The following KDM3A variants were observed in gnomAD, a reference collection of about 807,000 sequenced individuals.
The protein encoded by KDM3A is lysine-specific demethylase 3A.
In KDM3A, 60 loss-of-function variants were observed where a neutral mutation model predicts 158.0. The observed-to-expected ratio is 0.38, with a 90% confidence interval of 0.31 to 0.47. The LOEUF (loss-of-function observed/expected upper bound fraction) is 0.47. Among genes scored for constraint, KDM3A ranks in the 20% least tolerant of loss-of-function variants. KDM3A has a pLI of 0.99. For missense variants in KDM3A, 1,319 were observed against 1,574.3 expected (o/e 0.84, Z 2.74); for synonymous variants, 608 against 549.3 (o/e 1.11, Z -1.49).
chr2:86,475,011 G>T, intron 12 of KDM3A, 21 bp downstream of exon 12: 3 of 1,591,752 alleles, frequency 1.9e-6, no homozygotes, highest in Non-Finnish European at 2.6e-6. Context: ...CTCTTAGGGG[G>T]TAGGATTTTC....
At chr2:86,441,939 C>T (rs898002020) in intron 1 of KDM3A, 79 bp from the exon 2 acceptor site, 2 of 1,199,344 alleles carry the variant, frequency 1.7e-6, no homozygotes, top group Admixed American at 2.2e-5. Context: ...CGGCGCCCTC[C>T]GCCCGCCCTC....
chr2:86,477,759 T>C, intron 12 of KDM3A, 118 bp from the exon 13 acceptor site: 2 of 964,100 alleles, frequency 2.1e-6, no homozygotes, highest in East Asian at 2.5e-5. Context: ...CAATGAAGCC[T>C]GAACAAAGTT....
chr2:86,467,354 G>T, intron 10 of KDM3A: 1 of 153,524 alleles, frequency 6.5e-6, no homozygotes, highest in Non-Finnish European at 1.5e-5. Context: ...AGTAGGAAGA[G>T]GTGATCTGTG....
chr2:86,442,718 G>A (rs1407116345), intron 2 of KDM3A: 1 of 143,386 alleles, frequency 7.0e-6, no homozygotes, highest in Middle Eastern at 3.4e-3. Flanking sequence ...AGGAGCTTAA[G>A]TTCTGTTTGG....
Position 86,451,209 on chromosome 2 carries a change from T to C in KDM3A, c.449T>C (p.Ile150Thr). Residue 150 changes from isoleucine (I) to threonine (T), a missense_variant, in exon 4 of 26, where the codon ATA (isoleucine) becomes ACA (threonine). Ile to Thr is a moderately conservative substitution (Grantham distance 89). Around this residue, in one of 4 missense-constraint regions of KDM3A, gnomAD observed 652 missense variants for 627.2 expected, o/e 1.04. Coordinates refer to ENST00000312912, the MANE Select transcript of KDM3A (RefSeq NM_018433.6). The stretch of plus-strand genomic sequence containing the variant: ...CTTTCTAAAGACCTTTTGAAGCCTA[T>C]ACAGGTAAAACATAGAAACAGTAGT... ...VFLSKDLLKP[I>T]QDVNSLRLSL... The C allele has an allele frequency of 6.3e-7, 1 of 1,579,674 alleles. No individual in the cohort carries two copies. The highest frequency in any genetic ancestry group is 1.4e-5 in the African/African-American group (1 of 73,544).
At chr2:86,437,662 A>G (rs759885289), upstream of KDM3A, among the ~76,000 whole-genome samples, 1 of 152,236 alleles carries the variant, frequency 6.6e-6, no homozygotes, top group Non-Finnish European at 1.5e-5. Flanking sequence ...ATCAAGAGAC[A>G]GAATTTTTCA....
In KDM3A at chr2:86,477,812, C is replaced by T. The variant is rs1673729379; in HGVS notation, c.1940-65C>T. On this transcript the variant is annotated intron_variant, in intron 12 of 25. Coordinates refer to ENST00000312912, the MANE Select transcript of KDM3A (RefSeq NM_018433.6). ...CAGGGAGGAATGACAATAACCCCTA[C>T]CTTTCGTTTTTGGTTTCAGAAGCCC... 1.6e-5 allele frequency: 24 copies of T among 1,466,366 alleles called. 1 individual carries two copies. The South Asian group carries it at 2.9e-4, about 18-fold the overall frequency. 90.8% of individuals were successfully genotyped at this position (1,466,366 alleles called of 1,614,324 possible). A position where few individuals can be genotyped will look rare whatever the true frequency, so the allele number is the denominator to read the frequency against.
chr2:86,482,314 A>G (rs887404452), intron 17 of KDM3A, 144 bp from the exon 18 acceptor site: 1 of 1,352,736 alleles, frequency 7.4e-7, no homozygotes, highest in South Asian at 1.4e-5. Context: ...TGAGTTGTCA[A>G]GTGGGGACAG....
chr2:86,440,444 C>G (rs1382625693), upstream of KDM3A, among the ~76,000 whole-genome samples: 1 of 152,184 alleles, frequency 6.6e-6, no homozygotes, highest in Non-Finnish European at 1.5e-5. Flanking sequence ...TACTTCAGGT[C>G]CAGAGCACAC....
chr2:86,448,793 A>T (rs1381741157), intron 2 of KDM3A, among the ~76,000 whole-genome samples: 1 of 152,224 alleles, frequency 6.6e-6, no homozygotes, highest in Non-Finnish European at 1.5e-5. Context: ...TAAGAGGAGG[A>T]ATTTTAAATC....
chr2:86,465,954 AAAAG>A (rs1208143460), intron 9 of KDM3A, among the ~76,000 whole-genome samples: 13 of 151,414 alleles, frequency 8.6e-5, no homozygotes, highest in East Asian at 5.8e-4. Flanking sequence ...AAAAAAAAAA[AAAAG>A]AAGAAAGAAA....
chr2:86,492,003 A>G, intron 25 of KDM3A, 36 bp from the exon 26 acceptor site: 1 of 1,363,344 alleles, frequency 7.3e-7, no homozygotes, highest in Non-Finnish European at 1.0e-6. Flanking sequence ...TTAGATTTAA[A>G]TGTAAAATGC....
At chr2:86,460,232 G>GT (rs893066458) in intron 8 of KDM3A, among the ~76,000 whole-genome samples, 3 of 151,794 alleles carry the variant, frequency 2.0e-5, no homozygotes, top group South Asian at 2.1e-4. Context: ...TTTTTTGTTA[G>GT]TTTTTTAAAA....
rs184387898 is a variant in KDM3A at position 86,462,077 on chromosome 2, G to A, written c.844-1976G>A. On this transcript the variant is annotated intron_variant, in intron 8 of 25. Transcript: ENST00000312912. ...GGAAGGAAGGTTGGTTAGGACATGT[G>A]TAGCTTAGGGGAAAGATGGTAGTAG... 3.3e-4 allele frequency among the ~76,000 whole-genome samples: 50 copies of A among 152,270 alleles called. No homozygotes were observed. In the East Asian group the frequency reaches 8.3e-3, roughly 25 times the overall value.
rs1162829006 is a variant in KDM3A, at chr2:86,484,104, A to G, written c.3040A>G (p.Ile1014Val). 1 of 1,614,030 alleles carries G rather than the reference A, an allele frequency of 6.2e-7. No homozygotes were observed. The highest frequency in any genetic ancestry group is 1.7e-5 in the Admixed American group (1 of 60,022). The change falls in exon 19 of 26, where the codon ATC (isoleucine) becomes GTC (valine). Residue 1014 changes from isoleucine to valine, a missense_variant. This residue lies in a region of KDM3A where 368 missense variants were observed against 415.8 expected (regional missense o/e 0.89). Transcript: ENST00000312912. ...CCTAGTTAATTGTAGGACCAATGAA[A>G]TCATCACAGGAGCCACAGTAGGAGA... Reference protein sequence around the residue: ...VDLVNCRTNEIITGATVGDFW... With the variant: ...VDLVNCRTNEVITGATVGDFW...
chr2:86,464,240 G>A, intron 9 of KDM3A, 24 bp downstream of exon 9: 1 of 1,453,172 alleles, frequency 6.9e-7, no homozygotes, highest in Non-Finnish European at 9.2e-7. Context: ...TGTTAAAGAT[G>A]TTTAATTATA....
At chr2:86,441,924 G>T in intron 1 of KDM3A, 94 bp from the exon 2 acceptor site, 1 of 988,310 alleles carries the variant, frequency 1.0e-6, no homozygotes, top group East Asian at 3.0e-5. Flanking sequence ...GTCCTCGCGC[G>T]GGTTCGGCGC....
intron 8 of KDM3A, among the ~76,000 whole-genome samples, chr2:86,463,386 A>G (rs1324230369): frequency 2.0e-5 from 3 of 148,396 alleles, no homozygotes; most frequent in Non-Finnish European, 4.4e-5. Context: ...TGTGAATGGT[A>G]TAAACTGTTA....
chr2:86,483,843 T>A (rs1674055075), intron 18 of KDM3A, 144 bp from the exon 19 acceptor site: 1 of 643,452 alleles, frequency 1.6e-6, no homozygotes, highest in Admixed American at 3.1e-5. Flanking sequence ...CTCAGAGAAC[T>A]AAGCCGAAAC....
Sources: allele counts gnomAD v4.1 joint callset (sites outside exome capture counted in the v4.1 genomes callset), GRCh38; gene constraint gnomAD v4.1.1; regional missense constraint gnomAD v4.1.1; transcripts MANE v1.5; gene names NCBI Gene and HGNC (gene_info 2026-07-23, HGNC 2026-07-21).